The following PIEZO1 variants were observed in gnomAD, a reference collection of about 807,000 sequenced individuals.
PIEZO1 encodes piezo-type mechanosensitive ion channel component 1.
A neutral mutation model predicts 297.2 loss-of-function variants in PIEZO1; 296 were observed. The ratio of observed to expected loss-of-function variants is 1.00; its 90% CI spans 0.91 to 1.10. The LOEUF (loss-of-function observed/expected upper bound fraction) is 1.10, where lower values mean the gene tolerates loss of function less well. PIEZO1 is among the 50% of genes least tolerant of loss of function. The pLI is 0.00. For missense variants in PIEZO1, 5,018 were observed against 3,455.5 expected, an observed-to-expected ratio of 1.45 and a Z score of -11.34; for synonymous variants, 2,427 against 1,507.5, an observed-to-expected ratio of 1.61 and a Z score of -14.13.
At chr16:88,752,221 G>T (rs186603128) in intron 1 of PIEZO1, among the ~76,000 whole-genome samples, 2 of 152,342 alleles carry the variant, frequency 1.3e-5, no homozygotes, top group East Asian at 3.9e-4. Context: ...GGTGGCTGAG[G>T]CCTGTAATCC....
At chr16:88,765,126 T>C (rs1907113776) in intron 1 of PIEZO1, among the ~76,000 whole-genome samples, 1 of 152,222 alleles carries the variant, frequency 6.6e-6, no homozygotes, top group African/African-American at 2.4e-5. Flanking sequence ...CCCTGGCCTG[T>C]CCAGTCTGGC....
chr16:88,769,913 C>T lies in PIEZO1; in HGVS notation c.64+14988G>A, dbSNP rs76710967. Reference sequence around the variant, plus strand: ...TGGGGCGGAGTGTGGTTAACAGATCCCCTAGGGGGTCACACCCCTTCCAAT... The same window carrying T: ...TGGGGCGGAGTGTGGTTAACAGATCTCCTAGGGGGTCACACCCCTTCCAAT... On this transcript the variant is annotated intron_variant, in intron 1 of 50. Transcript: ENST00000301015. Among the ~76,000 whole-genome samples, 10 of 152,290 alleles carry T rather than the reference C, an allele frequency of 6.6e-5. No individual in the cohort carries two copies. The East Asian group carries it at 1.9e-3, about 29-fold the overall frequency.
At chr16:88,722,529 C>T (rs144504484) in intron 35 of PIEZO1, 54 bp downstream of exon 35, 26 of 1,435,258 alleles carry the variant, frequency 1.8e-5, no homozygotes, top group South Asian at 9.1e-5. Flanking sequence ...GATGGCTAGG[C>T]GATGCCCACA....
chr16:88,723,268 G>A lies in PIEZO1; in HGVS notation c.4396C>T (p.Gln1466Ter). The A allele has an allele frequency of 6.5e-7, 1 of 1,543,802 alleles. No individual in the cohort carries two copies. The highest frequency in any genetic ancestry group is 8.7e-7 in the Non-Finnish European group (1 of 1,146,792). The stretch of plus-strand genomic sequence containing the variant: ...GCCTGTTCCTGCCTTGCCTGCTCCT[G>A]CTCCTGCTGCCGCCGCCTCAGCACC... The part of the protein sequence containing the change: ...QAVLRRRQQE[Q>*]EQARQEQAGQ... The change falls in exon 32 of 51, where the codon CAG becomes TAG. Residue 1466 changes from glutamine to a stop codon, truncating the protein, a stop_gained. Coordinates refer to ENST00000301015, the MANE Select transcript of PIEZO1 (RefSeq NM_001142864.4). LOFTEE classifies it high-confidence loss of function.
At chr16:88,746,730 C>T (rs141337015) in intron 2 of PIEZO1, among the ~76,000 whole-genome samples, 372 of 152,362 alleles carry the variant, frequency 2.4e-3, no homozygotes, top group South Asian at 3.7e-3. Flanking sequence ...GAAGTCCTCC[C>T]GGGTCCTCTC....
intron 5 of PIEZO1, chr16:88,739,682 GC>G (rs1024054827): frequency 6.6e-6 from 1 of 152,466 alleles, no homozygotes; most frequent in African/African-American, 2.4e-5. Context: ...GTCCTCACAG[GC>G]CTCCAGGGCT....
At chr16:88,760,926 A>G (rs1050304250) in intron 1 of PIEZO1, among the ~76,000 whole-genome samples, 2 of 152,236 alleles carry the variant, frequency 1.3e-5, no homozygotes, top group African/African-American at 4.8e-5. Context: ...CATCTGACCT[A>G]CACGGGGCAG....
chr16:88,774,954 T>G (rs1308307125), intron 1 of PIEZO1, among the ~76,000 whole-genome samples: 1 of 152,064 alleles, frequency 6.6e-6, no homozygotes, highest in African/African-American at 2.4e-5. Context: ...GCAAAGATAG[T>G]GGCTATGTAA....
chr16:88,764,566 C>A (rs148545639), intron 1 of PIEZO1, among the ~76,000 whole-genome samples: 1 of 151,886 alleles, frequency 6.6e-6, no homozygotes, highest in Non-Finnish European at 1.5e-5. Context: ...GCCTGGCCAA[C>A]ATGACGAAAC....
At chr16:88,732,032 A>G in intron 21 of PIEZO1, 122 bp from the exon 22 acceptor site, 1 of 53,496 alleles carries the variant, frequency 1.9e-5, no homozygotes, top group African/African-American at 1.4e-4. Context: ...GCATCAAGCA[A>G]GGACAGGGCC....
chr16:88,738,647 G>A lies in PIEZO1; in HGVS notation c.555C>T (p.Ala185=), dbSNP rs115481622. The A allele has an allele frequency of 3.2e-3, 4,958 of 1,535,646 alleles. 108 individuals are homozygous for A. The African/African-American group carries it at 0.051, about 16-fold the overall frequency. The part of the protein sequence containing the change: ...TLAPTRRSRL[A]ARFRVTAHWL... ...AGTGGGCCGTGACTCGGAAACGAGC[G>A]GCCAGCCGTGACCTCCGTGTAGGGG... The change falls in exon 6 of 51, where the codon GCC becomes GCT. Residue 185 remains alanine, a synonymous_variant. Coordinates refer to ENST00000301015, the MANE Select transcript of PIEZO1 (RefSeq NM_001142864.4).
intron 1 of PIEZO1, among the ~76,000 whole-genome samples, chr16:88,775,615 G>C (rs1907620257): frequency 6.6e-6 from 1 of 151,298 alleles, no homozygotes; most frequent in African/African-American, 2.4e-5. Context: ...TGTAGTCCTA[G>C]CTACTTGGGA....
At chr16:88,777,392 C>T (rs778244452) in intron 1 of PIEZO1, among the ~76,000 whole-genome samples, 13 of 152,058 alleles carry the variant, frequency 8.5e-5, no homozygotes, top group Non-Finnish European at 1.2e-4. Context: ...TTGTCACTGG[C>T]CCGCAGACAC....
chr16:88,768,150 C>G (rs931656580), intron 1 of PIEZO1, among the ~76,000 whole-genome samples: 1 of 152,208 alleles, frequency 6.6e-6, no homozygotes, highest in Non-Finnish European at 1.5e-5. Flanking sequence ...ACCTCACGGG[C>G]CCAACCTCGG....
intron 1 of PIEZO1, among the ~76,000 whole-genome samples, chr16:88,784,115 C>T (rs1449077491): frequency 1.3e-5 from 2 of 152,224 alleles, no homozygotes; most frequent in African/African-American, 2.4e-5. Flanking sequence ...CCAAGCCACC[C>T]GGGTGTGCTT....
chr16:88,746,791 C>G (rs1906081530), intron 2 of PIEZO1, among the ~76,000 whole-genome samples: 1 of 152,248 alleles, frequency 6.6e-6, no homozygotes. Context: ...CGCCTGCCTT[C>G]CCCCACTGCT....
chr16:88,726,421 C>T lies in PIEZO1; in HGVS notation c.3831G>A (p.Leu1277=). Residue 1277 remains leucine (L), a synonymous_variant, in exon 27 of 51, where the codon CTG becomes CTA. Coordinates refer to ENST00000301015, the MANE Select transcript of PIEZO1 (RefSeq NM_001142864.4). ...KEMMDRDQDC[L]LPVEEAGIIW... is the part of the protein sequence containing the mutation. ...TGATGCCAGCCTCCTCCACAGGCAG[C>T]AGGCAGTCCTGGTCTCTGTCCATCA... The T allele has an allele frequency of 1.9e-6, 3 of 1,550,496 alleles. No homozygotes were observed. The highest frequency in any genetic ancestry group is 2.6e-6 in the Non-Finnish European group (3 of 1,146,904).
Position 88,723,872 on chromosome 16 carries a change from TG to T in PIEZO1, c.4333del (p.Gln1445SerfsTer8). 6.6e-7 allele frequency: 1 copy of T among 1,513,262 alleles called. No individual in the cohort carries two copies. Among genetic ancestry groups the T allele is most frequent in the Non-Finnish European group, 9.0e-7 (1 of 1,112,988 alleles). The allele number at this position is 1,513,262 out of a possible 1,614,324, so 93.7% of individuals were successfully genotyped here. ...GCCGACGGGGCTCTCCCACCTCACC[TG>T]GAAGGCACTCTGTGCCGACGGCCTC... ...DPRPSAQSAF[Q>X]LAYQAWVTNA... is the part of the protein sequence containing the mutation. On this transcript the variant is annotated frameshift_variant and splice_region_variant, in exon 31 of 51. Coordinates refer to ENST00000301015, the MANE Select transcript of PIEZO1 (RefSeq NM_001142864.4). LOFTEE classifies it high-confidence loss of function.
At position 88,715,540 on chromosome 16, in the gene PIEZO1, C is replaced by T. The variant is rs1911930576; in HGVS notation, c.*65G>A. ...AGTGGCTCCCCCGGCCTGAGGAGTG[C>T]CGCCCCTTGTGGCCACGCTGCCCAG... On this transcript the variant is annotated 3_prime_UTR_variant, in exon 51 of 51. Coordinates refer to ENST00000301015, the MANE Select transcript of PIEZO1 (RefSeq NM_001142864.4). The T allele has an allele frequency of 7.5e-6, 11 of 1,472,248 alleles. No individual in the cohort carries two copies. The highest frequency in any genetic ancestry group is 1.2e-5 in the South Asian group (1 of 80,206). 91.2% of individuals were successfully genotyped at this position (1,472,248 alleles called of 1,614,324 possible). A position where few individuals can be genotyped will look rare whatever the true frequency, so the allele number is the denominator to read the frequency against.
Sources: allele counts gnomAD v4.1 joint callset (sites outside exome capture counted in the v4.1 genomes callset), GRCh38; gene constraint gnomAD v4.1.1; transcripts MANE v1.5; gene names NCBI Gene and HGNC (gene_info 2026-07-23, HGNC 2026-07-21).